Variants in NDUFB1 observed in about 807,000 individuals in gnomAD.
NDUFB1 encodes NADH:ubiquinone oxidoreductase subunit B1, also known as NADH dehydrogenase [ubiquinone] 1 beta subcomplex subunit 1.
Under a neutral mutation model 6.7 loss-of-function variants are expected in NDUFB1, and 6 were observed. That is an observed-to-expected ratio of 0.89 (90% CI 0.49 to 1.76). The LOEUF (loss-of-function observed/expected upper bound fraction) is 1.76. Ranked by LOEUF, NDUFB1 falls within the 40% of genes most tolerant of loss-of-function variation. The pLI is 0.01. For synonymous variants in NDUFB1, 17 were observed against 22.9 expected, an observed-to-expected ratio of 0.74 and a Z score of 0.74; for missense variants, 56 against 71.0, an observed-to-expected ratio of 0.79 and a Z score of 0.76.
At chr14:92,121,431 G>A (rs1274563424) in intron 1 of NDUFB1, 1 of 734,734 alleles carries the variant, frequency 1.4e-6, no homozygotes, top group African/African-American at 1.8e-5. Context: ...GACAGCCTCA[G>A]AAAACCCTTT....
At chr14:92,116,326 A>ATTTTAT in intron 2 of NDUFB1, 97 bp from the exon 3 acceptor site, 2 of 698,082 alleles carry the variant, frequency 2.9e-6, no homozygotes, top group South Asian at 2.3e-5. Context: ...GCAATATTTC[A>ATTTTAT]TTTTCTTTTT....
At chr14:92,117,465 G>A (rs760447101) in intron 2 of NDUFB1, 33 bp downstream of exon 2, 2 of 1,610,952 alleles carry the variant, frequency 1.2e-6, no homozygotes, top group Non-Finnish European at 1.7e-6. Flanking sequence ...CCCAAATTTG[G>A]CCAATTGCTG....
At chr14:92,118,715 G>GT (rs1234089872) in intron 1 of NDUFB1, 6 of 155,934 alleles carry the variant, frequency 3.8e-5, no homozygotes, top group African/African-American at 1.4e-4. Context: ...GCTCACGCCT[G>GT]TAATCCCAGC....
At position 92,116,331 on chromosome 14, in the gene NDUFB1, C is replaced by CTTTTT. The variant is rs35571568; in HGVS notation, c.141-107_141-103dup. On this transcript the variant is annotated intron_variant, in intron 2 of 2. Coordinates refer to ENST00000605997, the MANE Select transcript of NDUFB1 (RefSeq NM_004545.4). ...AAGAATGATTGCAATATTTCATTTT[C>CTTTTT]TTTTTTTTTTTTTTTTTTTTGAGAC... The CTTTTT allele has an allele frequency of 3.2e-3, 1,576 of 497,880 alleles. 6 individuals are homozygous for CTTTTT. Among genetic ancestry groups the CTTTTT allele is most frequent in the South Asian group, 5.5e-3 (267 of 48,630 alleles). The allele number at this position is 497,880 out of a possible 1,614,324, so 30.8% of individuals were successfully genotyped here.
chr14:92,121,304 G>C (rs2068760572), intron 1 of NDUFB1: 1 of 440,100 alleles, frequency 2.3e-6, no homozygotes, highest in Non-Finnish European at 4.1e-6. Flanking sequence ...GCTGCTCGCG[G>C]AGGGGAGGCA....
At chr14:92,121,501 C>T in intron 1 of NDUFB1, 141 bp downstream of exon 1, 2 of 1,272,978 alleles carry the variant, frequency 1.6e-6, no homozygotes, top group Non-Finnish European at 2.2e-6. Context: ...TTTTCCTTTC[C>T]CGTCACCTTC....
At chr14:92,119,311 CAA>C (rs10649810) in intron 1 of NDUFB1, among the ~76,000 whole-genome samples, 10 of 137,302 alleles carry the variant, frequency 7.3e-5, no homozygotes, top group Admixed American at 1.5e-4. Flanking sequence ...GATGCTGTCT[CAA>C]AAAAAAAAAA....
chr14:92,121,574 C>G, intron 1 of NDUFB1, 68 bp downstream of exon 1: 1 of 1,605,890 alleles, frequency 6.2e-7, no homozygotes, highest in Non-Finnish European at 8.5e-7. Context: ...GAGGGCTTGC[C>G]TAGAACCCTC....
chr14:92,119,311 C>CAA (rs10649810), intron 1 of NDUFB1, among the ~76,000 whole-genome samples: 31,599 of 137,136 alleles, frequency 0.23, 3,948 homozygotes, highest in East Asian at 0.43. Flanking sequence ...GATGCTGTCT[C>CAA]AAAAAAAAAA....
At position 92,117,757 on chromosome 14, in the gene NDUFB1, G is replaced by A. The variant is rs1414287042; in HGVS notation, c.-5-115C>T. 6.8e-6 allele frequency: 7 copies of A among 1,023,362 alleles called. No homozygotes were observed. The East Asian group carries it at 1.1e-4, about 15-fold the overall frequency. 63.4% of individuals were successfully genotyped at this position (1,023,362 alleles called of 1,614,324 possible). A position where few individuals can be genotyped will look rare whatever the true frequency, so the allele number is the denominator to read the frequency against. On this transcript the variant is annotated intron_variant, in intron 1 of 2. Coordinates refer to ENST00000605997, the MANE Select transcript of NDUFB1 (RefSeq NM_004545.4). ...TCATGCCTGTAATCCTAGCACTTTG[G>A]GATGCTGAGGTGGGCAGATCACTTG...
chr14:92,117,865 G>A (rs769651905), intron 1 of NDUFB1: 2 of 487,234 alleles, frequency 4.1e-6, no homozygotes, highest in African/African-American at 2.0e-5. Context: ...GGGTGTGGTG[G>A]TGCGCGTCTG....
chr14:92,118,259 A>G (rs1284114883), intron 1 of NDUFB1: 1 of 152,490 alleles, frequency 6.6e-6, no homozygotes, highest in Non-Finnish European at 1.5e-5. Context: ...ATGTAAAAAA[A>G]TTCTACCTGC....
chr14:92,121,086 CG>C (rs1471988158), intron 1 of NDUFB1: 1 of 155,764 alleles, frequency 6.4e-6, no homozygotes, highest in African/African-American at 2.4e-5. Context: ...CGCTTGAACC[CG>C]GGAGGCGGAG....
chr14:92,117,361 A>T (rs1290926246), intron 2 of NDUFB1, 137 bp downstream of exon 2: 4 of 880,868 alleles, frequency 4.5e-6, no homozygotes, highest in Non-Finnish European at 5.6e-6. Context: ...TCAATAACAA[A>T]CAAGACTAAA....
chr14:92,121,698 C>G lies in NDUFB1; in HGVS notation c.-62G>C. On this transcript the variant is annotated 5_prime_UTR_variant, in exon 1 of 3. Transcript: ENST00000605997. Reference sequence around the variant, plus strand: ...ACCAAGGGCAACAGGGAACTCAACCCGCGCCAGTGGAAGCTGCGACCTCGG... The same window carrying G: ...ACCAAGGGCAACAGGGAACTCAACCGGCGCCAGTGGAAGCTGCGACCTCGG... 6.2e-7 allele frequency: 1 copy of G among 1,613,938 alleles called. No homozygotes were observed. Among genetic ancestry groups the G allele is most frequent in the Non-Finnish European group, 8.5e-7 (1 of 1,179,994 alleles).
chr14:92,119,679 C>G (rs1478654581), intron 1 of NDUFB1, among the ~76,000 whole-genome samples: 1 of 151,966 alleles, frequency 6.6e-6, no homozygotes, highest in East Asian at 1.9e-4. Flanking sequence ...AATGAGCTAT[C>G]TTGGGGATAG....
intron 1 of NDUFB1, among the ~76,000 whole-genome samples, chr14:92,120,995 T>C (rs1480789630): frequency 1.3e-5 from 2 of 151,782 alleles, no homozygotes; most frequent in Non-Finnish European, 2.9e-5. Flanking sequence ...CCCTCGTCTC[T>C]ACTAAATATA....
intron 2 of NDUFB1, 132 bp downstream of exon 2, chr14:92,117,366 A>G: frequency 1.1e-6 from 1 of 906,054 alleles, no homozygotes; most frequent in East Asian, 2.5e-5. Flanking sequence ...AACAAACAAG[A>G]CTAAAAACAG....
At chr14:92,121,470 C>G (rs2068762725) in intron 1 of NDUFB1, 172 bp downstream of exon 1, 2 of 963,366 alleles carry the variant, frequency 2.1e-6, no homozygotes, top group African/African-American at 3.3e-5. Context: ...AAATCCCATC[C>G]TCCACCCGAA....
Sources: allele counts gnomAD v4.1 joint callset (sites outside exome capture counted in the v4.1 genomes callset), GRCh38; gene constraint gnomAD v4.1.1; transcripts MANE v1.5; gene names NCBI Gene and HGNC (gene_info 2026-07-23, HGNC 2026-07-21).